The following DHTKD1 variants were observed in gnomAD, a reference collection of about 807,000 sequenced individuals.
The protein encoded by DHTKD1 is 2-oxoadipate dehydrogenase complex component E1.
DHTKD1 carries 78 observed loss-of-function variants against 101.8 expected under a neutral mutation model. That is an observed-to-expected ratio of 0.77 (90% CI 0.64 to 0.93). The LOEUF is 0.93. DHTKD1 is among the 40% of genes least tolerant of loss of function. The pLI is 0.00. For synonymous variants in DHTKD1, 462 were observed against 450.3 expected, an observed-to-expected ratio of 1.03 and a Z score of -0.33; for missense variants, 1,223 against 1,161.7, an observed-to-expected ratio of 1.05 and a Z score of -0.77.
chr10:12,089,198 C>G lies in DHTKD1; in HGVS notation c.930C>G (p.Asp310Glu). The G allele has an allele frequency of 6.2e-7, 1 of 1,614,140 alleles. No individual in the cohort carries two copies. Among genetic ancestry groups the G allele is most frequent in the East Asian group, 2.2e-5 (1 of 44,888 alleles). ...GCGGCAGGCAGCAGTCTCGCCAAGA[C>G]GGCGATTACTCTCCAGACAACTCAG... ...KTRGRQQSRQ[D>E]GDYSPDNSAQ... The change falls in exon 5 of 17, where the codon GAC becomes GAG. Residue 310 changes from aspartate to glutamate, a missense_variant. Physicochemically the swap from Asp to Glu is conservative, Grantham distance 45. Transcript: ENST00000263035.
chr10:12,117,437 G>A (rs78160698), intron 13 of DHTKD1, among the ~76,000 whole-genome samples: 6 of 151,838 alleles, frequency 4.0e-5, no homozygotes, highest in African/African-American at 7.3e-5. Flanking sequence ...TCCTGCCTTG[G>A]CCTCCCAAAG....
chr10:12,074,482 T>A (rs1324236951), intron 1 of DHTKD1, among the ~76,000 whole-genome samples: 1 of 151,948 alleles, frequency 6.6e-6, no homozygotes, highest in Non-Finnish European at 1.5e-5. Context: ...CAGCCTCCCA[T>A]GTAGCCAAGA....
At position 12,087,349 on chromosome 10, in the gene DHTKD1, C is replaced by G. The variant is rs1722444; in HGVS notation, c.523-186C>G. Among the ~76,000 whole-genome samples, 151,819 of 152,176 alleles carry G rather than the reference C, an allele frequency of 1. 75,736 individuals are homozygous for G. Among genetic ancestry groups the G allele is most frequent in the Middle Eastern group, 1 (292 of 292 alleles). On this transcript the variant is annotated intron_variant, in intron 3 of 16. Coordinates refer to ENST00000263035, the MANE Select transcript of DHTKD1 (RefSeq NM_018706.7). This position sits in a 1 kb window ranked among gnomAD's most constrained non-coding sequence, Gnocchi z 5.2. The stretch of plus-strand genomic sequence containing the variant: ...TTCTCCTCAGCCCCTCCTACTGTCC[C>G]GGATCCTAGGAAAACCATCCCGCTG...
intron 1 of DHTKD1, among the ~76,000 whole-genome samples, chr10:12,079,241 T>C (rs1267131212): frequency 6.6e-6 from 1 of 152,146 alleles, no homozygotes; most frequent in African/African-American, 2.4e-5. Context: ...TGCACCACCA[T>C]GCCTGGCTAC....
intron 10 of DHTKD1, among the ~76,000 whole-genome samples, chr10:12,102,139 TTGG>T (rs1395824294): frequency 9.2e-5 from 14 of 152,032 alleles, no homozygotes; most frequent in Non-Finnish European, 1.5e-5. Flanking sequence ...AAAAATTCAC[TTGG>T]TGGCCGGGTG....
Position 12,101,718 on chromosome 10 carries a change from T to A in DHTKD1, c.1896+537T>A, listed in dbSNP as rs116678454. On this transcript the variant is annotated intron_variant, in intron 10 of 16. Transcript: ENST00000263035. The stretch of plus-strand genomic sequence containing the variant: ...TCCCAGGCTCAGGGGATCCTCATGT[T>A]TCAGCCTCCCGAGTAGCTGGGACCA... Among the ~76,000 whole-genome samples the A allele has an allele frequency of 6.0e-3, 906 of 152,166 alleles. 11 individuals carry two copies. The highest frequency in any genetic ancestry group is 0.021 in the African/African-American group (866 of 41,524).
At chr10:12,081,649 C>T (rs751295417) in intron 2 of DHTKD1, 22 bp downstream of exon 2, 8 of 1,613,414 alleles carry the variant, frequency 5.0e-6, no homozygotes, top group African/African-American at 2.7e-5. Context: ...GCACAGCAGG[C>T]GGGAGCTCGG....
intron 2 of DHTKD1, among the ~76,000 whole-genome samples, chr10:12,082,408 T>C (rs992431169): frequency 1.3e-5 from 2 of 152,124 alleles, no homozygotes; most frequent in Non-Finnish European, 2.9e-5. Context: ...GATTTCAGGG[T>C]CCTACCTCAT....
intron 3 of DHTKD1, among the ~76,000 whole-genome samples, chr10:12,085,504 A>G (rs959297999): frequency 1.3e-5 from 2 of 152,146 alleles, no homozygotes; most frequent in African/African-American, 4.8e-5. Flanking sequence ...ATATTGACCT[A>G]TTGGCTCTCC....
At chr10:12,072,987 C>T (rs1047226452) in intron 1 of DHTKD1, among the ~76,000 whole-genome samples, 3 of 152,036 alleles carry the variant, frequency 2.0e-5, no homozygotes, top group African/African-American at 4.8e-5. Context: ...CCACCCACCT[C>T]GGCCTCCCAA....
rs925741374 is a variant in DHTKD1, at chr10:12,110,998, G to T, written c.2155-1902G>T. 1.7e-4 allele frequency among the ~76,000 whole-genome samples: 24 copies of T among 144,408 alleles called. No homozygotes were observed. Among genetic ancestry groups the T allele is most frequent in the Non-Finnish European group, 3.3e-4 (22 of 66,692 alleles). 94.7% of individuals were successfully genotyped at this position (144,408 alleles called of 152,430 possible). A position where few individuals can be genotyped will look rare whatever the true frequency, so the allele number is the denominator to read the frequency against. ...GAGGCGGAGGTTGTAGTGAGCTGAG[G>T]TTGCACCACTGCATTCCAGCCTGGG... On this transcript the variant is annotated intron_variant, in intron 12 of 16. Coordinates refer to ENST00000263035, the MANE Select transcript of DHTKD1 (RefSeq NM_018706.7). The surrounding 1 kb of genome is among the most constrained non-coding windows in gnomAD (Gnocchi z 4.9).
Position 12,107,860 on chromosome 10 carries a change from T to G in DHTKD1, c.2048-49T>G. 1 of 1,330,676 alleles carries G rather than the reference T, an allele frequency of 7.5e-7. No homozygotes were observed. The highest frequency in any genetic ancestry group is 1.1e-6 in the Non-Finnish European group (1 of 930,676). The allele number at this position is 1,330,676 out of a possible 1,614,324, so 82.4% of individuals were successfully genotyped here. A position where few individuals can be genotyped will look rare whatever the true frequency, so the allele number is the denominator to read the frequency against. On this transcript the variant is annotated intron_variant, in intron 11 of 16. Coordinates refer to ENST00000263035, the MANE Select transcript of DHTKD1 (RefSeq NM_018706.7). The surrounding 1 kb of genome is among the most constrained non-coding windows in gnomAD (Gnocchi z 4.1). ...CCCCAGCTGAGTCGTGTCAGGCCAC[T>G]TTGTCCCCGCTTCGTAGAGCTCTTA...
Position 12,108,027 on chromosome 10 carries a change from G to T in DHTKD1, c.2154+12G>T. 6.3e-7 allele frequency: 1 copy of T among 1,588,578 alleles called. No homozygotes were observed. The highest frequency in any genetic ancestry group is 8.6e-7 in the Non-Finnish European group (1 of 1,157,386). On this transcript the variant is annotated intron_variant, in intron 12 of 16. Coordinates refer to ENST00000263035, the MANE Select transcript of DHTKD1 (RefSeq NM_018706.7). ...AGCGTTTCCTGCAGGTAAGGGTAAC[G>T]TCTTCCGGAGTCAATGAATCATTTT...
In DHTKD1 at chr10:12,101,127, T is replaced by G. The variant is rs1833162913; in HGVS notation, c.1842T>G (p.Asp614Glu). The change falls in exon 10 of 17, where the codon GAT becomes GAG. Residue 614 changes from aspartate (D) to glutamate (E), a missense_variant. Asp to Glu is a conservative substitution (Grantham distance 45). Coordinates refer to ENST00000263035, the MANE Select transcript of DHTKD1 (RefSeq NM_018706.7). The part of the protein sequence containing the change: ...RHAIVVCQET[D>E]DTYIPLNHMD... ...CAATCGTGGTTTGCCAGGAGACGGATGACACCTACATCCCCCTGAACCATA... is the reference window on the plus strand; with the variant it reads ...CAATCGTGGTTTGCCAGGAGACGGAGGACACCTACATCCCCCTGAACCATA... The G allele has an allele frequency of 6.2e-7, 1 of 1,614,062 alleles. No individual in the cohort carries two copies. The highest frequency in any genetic ancestry group is 1.3e-5 in the African/African-American group (1 of 74,938).
At chr10:12,090,479 C>CCTTCCTTT in intron 5 of DHTKD1, among the ~76,000 whole-genome samples, 1 of 118,578 alleles carries the variant, frequency 8.4e-6, no homozygotes, top group Non-Finnish European at 1.7e-5. Flanking sequence ...TTCCTTCCTT[C>CCTTCCTTT]TTCTTTCTCT....
At position 12,121,551 on chromosome 10, in the gene DHTKD1, G is replaced by C. The variant is rs1303831237; in HGVS notation, c.*663G>C. 1 of 152,442 alleles carries C rather than the reference G, an allele frequency of 6.6e-6. No homozygotes were observed. The highest frequency in any genetic ancestry group is 2.4e-5 in the African/African-American group (1 of 41,464). 9.4% of individuals were successfully genotyped at this position (152,442 alleles called of 1,614,324 possible). On this transcript the variant is annotated 3_prime_UTR_variant, in exon 17 of 17. Coordinates refer to ENST00000263035, the MANE Select transcript of DHTKD1 (RefSeq NM_018706.7). ...TAGGCGGCTGGATCACCTGAGGTCA[G>C]GAGTTCAAGACCAGCCTGGTCAACG...
intron 12 of DHTKD1, among the ~76,000 whole-genome samples, chr10:12,112,442 C>T (rs568724169): frequency 1.8e-4 from 27 of 152,110 alleles, no homozygotes; most frequent in African/African-American, 6.5e-4. Context: ...AACTTCCTTG[C>T]CCTCAATTTT....
intron 3 of DHTKD1, among the ~76,000 whole-genome samples, chr10:12,085,882 G>A (rs1484729280): frequency 6.6e-6 from 1 of 152,090 alleles, no homozygotes; most frequent in African/African-American, 2.4e-5. Context: ...CTGTACTCCA[G>A]TCTGGGCAAC....
intron 1 of DHTKD1, among the ~76,000 whole-genome samples, chr10:12,071,786 C>G (rs973490381): frequency 2.0e-5 from 3 of 152,148 alleles, no homozygotes; most frequent in South Asian, 2.1e-4. Flanking sequence ...CCTCGGCCCC[C>G]TAAAGTGTTG....
Sources: gnomAD v4.1 joint callset for allele counts (sites outside exome capture counted in the v4.1 genomes callset) on GRCh38, gnomAD v4.1.1 for gene constraint, Gnocchi (gnomAD v3.1) non-coding constraint, MANE v1.5 for transcripts, NCBI Gene and HGNC (gene_info 2026-07-23, HGNC 2026-07-21) for gene names.